The following RBM6 variants were observed in gnomAD, a reference collection of about 807,000 sequenced individuals.
RBM6 encodes RNA-binding protein 6.
Under a neutral mutation model 140.4 loss-of-function variants are expected in RBM6, and 23 were observed. That is an observed-to-expected ratio of 0.16 (90% CI 0.12 to 0.23). RBM6 has a LOEUF of 0.23. Ranked by LOEUF, RBM6 falls within the 10% of genes least tolerant of loss-of-function variation. RBM6 has a pLI of 1.00. For missense variants in RBM6, 1,139 were observed against 1,386.7 expected, an observed-to-expected ratio of 0.82 and a Z score of 2.84; for synonymous variants, 439 against 475.6, an observed-to-expected ratio of 0.92 and a Z score of 1.00.
Position 50,070,467 on chromosome 3 carries a change from G to C in RBM6, c.3031G>C (p.Gly1011Arg), listed in dbSNP as rs781049687. Residue 1011 changes from glycine to arginine, a missense_variant, in exon 19 of 21, where the codon GGA becomes CGA. Physicochemically the swap from Gly to Arg is moderately radical, Grantham distance 125. Around this residue, in one of 9 missense-constraint regions of RBM6, gnomAD observed 125 missense variants for 142.0 expected, o/e 0.88. Coordinates refer to ENST00000266022, the MANE Select transcript of RBM6 (RefSeq NM_005777.3). Reference protein sequence around the residue: ...ERREREGKFKGRGNDRREKLQ... With the variant: ...ERREREGKFKRRGNDRREKLQ... ...TGCTTACCAACAGGGAAAGTTTAAA[G>C]GAAGAGGAAATGATCGCAGGGAAAA... 4 of 1,613,760 alleles carry C rather than the reference G, an allele frequency of 2.5e-6. No individual in the cohort carries two copies. Among genetic ancestry groups the C allele is most frequent in the African/African-American group, 1.3e-5 (1 of 74,910 alleles).
intron 1 of RBM6, among the ~76,000 whole-genome samples, chr3:49,946,410 T>C (rs976435189): frequency 2.0e-5 from 3 of 151,888 alleles, no homozygotes; most frequent in Non-Finnish European, 4.4e-5. Flanking sequence ...CCAGCTAATT[T>C]TTGCATTTTA....
rs138262796 is a variant in RBM6 at position 49,967,649 on chromosome 3, A to G, written c.224A>G (p.Tyr75Cys). 4.6e-5 allele frequency: 75 copies of G among 1,613,992 alleles called. No homozygotes were observed. The highest frequency in any genetic ancestry group is 1.6e-4 in the Middle Eastern group (1 of 6,084). The part of the protein sequence containing the change: ...FANVEEHSFS[Y>C]GARDGPHGDY... Reference sequence around the variant, plus strand: ...AATGTAGAGGAGCATTCTTTCAGCTATGGAGCTAGAGACGGACCGCATGGT... The same window carrying G: ...AATGTAGAGGAGCATTCTTTCAGCTGTGGAGCTAGAGACGGACCGCATGGT... Residue 75 changes from tyrosine (Y) to cysteine (C), a missense_variant, in exon 3 of 21, where the codon TAT becomes TGT. Tyr to Cys is a radical substitution (Grantham distance 194). Around this residue, in one of 9 missense-constraint regions of RBM6, gnomAD observed 566 missense variants for 612.7 expected, o/e 0.92. Coordinates refer to ENST00000266022, the MANE Select transcript of RBM6 (RefSeq NM_005777.3). The surrounding 1 kb of genome is among the most constrained non-coding windows in gnomAD (Gnocchi z 4.0).
At position 50,044,303 on chromosome 3, in the gene RBM6, A is replaced by G. The variant is rs2108868117; in HGVS notation, c.1558-3942A>G. ...AATAAATATTCTAATGTGTGAAGATACTCTAATAGATAATAGGCAATTAAG... is the reference window on the plus strand; with the variant it reads ...AATAAATATTCTAATGTGTGAAGATGCTCTAATAGATAATAGGCAATTAAG... On this transcript the variant is annotated intron_variant, in intron 6 of 20. Coordinates refer to ENST00000266022, the MANE Select transcript of RBM6 (RefSeq NM_005777.3). Among the ~76,000 whole-genome samples, 3 of 152,180 alleles carry G rather than the reference A, an allele frequency of 2.0e-5. 1 individual carries two copies. The Middle Eastern group carries it at 0.01, about 518-fold the overall frequency.
chr3:50,023,950 G>T (rs1236465545), intron 6 of RBM6, among the ~76,000 whole-genome samples: 1 of 151,982 alleles, frequency 6.6e-6, no homozygotes, highest in Non-Finnish European at 1.5e-5. Flanking sequence ...TCCCAGCCGG[G>T]TGTGATATTT....
chr3:50,033,688 C>CCAG (rs2088322832), intron 6 of RBM6, among the ~76,000 whole-genome samples: 1 of 152,064 alleles, frequency 6.6e-6, no homozygotes, highest in Admixed American at 6.5e-5. Context: ...GCTCTGTCAC[C>CCAG]AGGTGGAGTG....
At chr3:50,054,286 A>C in intron 7 of RBM6, 49 bp from the exon 8 acceptor site, 2 of 1,482,084 alleles carry the variant, frequency 1.3e-6, no homozygotes, top group Non-Finnish European at 1.9e-6. Flanking sequence ...GATATACATA[A>C]GATTTTTAAA....
intron 5 of RBM6, among the ~76,000 whole-genome samples, chr3:49,993,642 A>G (rs1436848382): frequency 1.3e-5 from 2 of 152,076 alleles, no homozygotes; most frequent in Non-Finnish European, 2.9e-5. Context: ...ACTCTGTCTC[A>G]AAAGAAAAAA....
intron 1 of RBM6, among the ~76,000 whole-genome samples, chr3:49,946,430 G>T (rs1483284466): frequency 6.6e-6 from 1 of 152,114 alleles, no homozygotes; most frequent in South Asian, 2.1e-4. Context: ...AGTTGAGATG[G>T]TGTTTCTCCA....
intron 1 of RBM6, among the ~76,000 whole-genome samples, chr3:49,945,442 C>T (rs1332088576): frequency 6.6e-6 from 1 of 152,026 alleles, no homozygotes; most frequent in African/African-American, 2.4e-5. Flanking sequence ...ACACTGGTTG[C>T]ACCATTTTAC....
rs1297698110 is a variant in RBM6 at position 49,967,583 on chromosome 3, T to C, written c.158T>C (p.Leu53Pro). ...GGCAACTTTCCTGGCAGAGATTCACTTCCCTTTGATTTCCAGGGGCATTCG... is the reference window on the plus strand; with the variant it reads ...GGCAACTTTCCTGGCAGAGATTCACCTCCCTTTGATTTCCAGGGGCATTCG... ...HSGNFPGRDS[L>P]PFDFQGHSGP... is the part of the protein sequence containing the mutation. Residue 53 changes from leucine (L) to proline (P), a missense_variant, in exon 3 of 21, where the codon CTT becomes CCT. Leu to Pro is a moderately conservative substitution (Grantham distance 98). This residue lies in a region of RBM6 where 566 missense variants were observed against 612.7 expected (regional missense o/e 0.92). Coordinates refer to ENST00000266022, the MANE Select transcript of RBM6 (RefSeq NM_005777.3). The surrounding 1 kb of genome is among the most constrained non-coding windows in gnomAD (Gnocchi z 4.0). 1.9e-6 allele frequency: 3 copies of C among 1,614,066 alleles called. No individual in the cohort carries two copies. The African/African-American group carries it at 4.0e-5, about 22-fold the overall frequency.
At chr3:49,994,466 A>G (rs1246801640) in intron 5 of RBM6, among the ~76,000 whole-genome samples, 2 of 152,152 alleles carry the variant, frequency 1.3e-5, no homozygotes, top group African/African-American at 4.8e-5. Flanking sequence ...ACCTGGATCA[A>G]TTCTGTTTCG....
chr3:49,983,443 C>G (rs1488777822), intron 5 of RBM6, among the ~76,000 whole-genome samples: 1 of 148,794 alleles, frequency 6.7e-6, no homozygotes, highest in Non-Finnish European at 1.5e-5. Flanking sequence ...TAGTGAGACT[C>G]TGTCTCAAAA....
intron 4 of RBM6, 94 bp downstream of exon 4, chr3:49,972,242 AG>A (rs750889921): frequency 1.1e-6 from 1 of 912,506 alleles, no homozygotes; most frequent in Non-Finnish European, 1.7e-6. Context: ...GAAGGTGCAA[AG>A]AAATGCACAG....
At chr3:50,004,897 G>A (rs1458745248) in intron 6 of RBM6, among the ~76,000 whole-genome samples, 3 of 152,084 alleles carry the variant, frequency 2.0e-5, no homozygotes, top group African/African-American at 7.2e-5. Context: ...CCAAATTGCT[G>A]GGATTATAAG....
At chr3:50,006,450 C>T (rs530946991) in intron 6 of RBM6, among the ~76,000 whole-genome samples, 1 of 151,920 alleles carries the variant, frequency 6.6e-6, no homozygotes, top group Non-Finnish European at 1.5e-5. Flanking sequence ...GATTGAGACT[C>T]GACTGGACAT....
chr3:50,023,555 T>C (rs1427036437), intron 6 of RBM6, among the ~76,000 whole-genome samples: 1 of 152,068 alleles, frequency 6.6e-6, no homozygotes, highest in East Asian at 1.9e-4. Flanking sequence ...TATTGGGTGC[T>C]TACAGAGGTC....
intron 6 of RBM6, among the ~76,000 whole-genome samples, chr3:50,044,945 A>G (rs951917810): frequency 3.3e-5 from 5 of 152,234 alleles, no homozygotes; most frequent in African/African-American, 1.2e-4. Flanking sequence ...CTACCCTTCA[A>G]CAGTGATGTT....
intron 1 of RBM6, among the ~76,000 whole-genome samples, chr3:49,956,019 T>C (rs1247466429): frequency 2.0e-5 from 3 of 151,240 alleles, no homozygotes; most frequent in African/African-American, 7.3e-5. Context: ...TTTTTGGTAG[T>C]GAAAAAAAAT....
At chr3:50,035,084 G>C (rs2088448295) in intron 6 of RBM6, among the ~76,000 whole-genome samples, 1 of 117,314 alleles carries the variant, frequency 8.5e-6, no homozygotes, top group Non-Finnish European at 1.6e-5. Flanking sequence ...CTCTTTATCT[G>C]TCTATCTGCT....
Sources: gnomAD v4.1 joint callset for allele counts (sites outside exome capture counted in the v4.1 genomes callset) on GRCh38, gnomAD v4.1.1 for gene constraint, gnomAD v4.1.1 regional missense constraint, Gnocchi (gnomAD v3.1) non-coding constraint, MANE v1.5 for transcripts, NCBI Gene and HGNC (gene_info 2026-07-23, HGNC 2026-07-21) for gene names.